The following AGBL1 variants were observed in gnomAD, a reference collection of about 807,000 sequenced individuals.
AGBL1 encodes the protein AGBL carboxypeptidase 1, also known as cytosolic carboxypeptidase 4.
AGBL1 carries 130 observed loss-of-function variants against 118.9 expected under a neutral mutation model. That is an observed-to-expected ratio of 1.09 (90% CI 0.95 to 1.26). The LOEUF (loss-of-function observed/expected upper bound fraction) is 1.26, where lower values mean the gene tolerates loss of function less well. Ranked by LOEUF, AGBL1 falls within the 50% of genes most tolerant of loss-of-function variation. The probability of loss-of-function intolerance (pLI) is 0.00; values close to 1 mark genes in which losing one functional copy is unlikely to be tolerated. For missense variants in AGBL1, 1,584 were observed against 1,298.1 expected, an observed-to-expected ratio of 1.22 and a Z score of -3.38; for synonymous variants, 555 against 478.9, an observed-to-expected ratio of 1.16 and a Z score of -2.08.
intron 18 of AGBL1, among the ~76,000 whole-genome samples, chr15:86,413,242 G>A (rs1243027484): frequency 2.6e-5 from 4 of 152,102 alleles, no homozygotes; most frequent in African/African-American, 9.7e-5. Context: ...TATTAGAGTT[G>A]AATTTGAAGT....
At chr15:86,589,360 G>A (rs1012981545) in intron 21 of AGBL1, among the ~76,000 whole-genome samples, 1 of 152,280 alleles carries the variant, frequency 6.6e-6, no homozygotes, top group South Asian at 2.1e-4. Context: ...GGTATTTATG[G>A]AACTTAAAGT....
intron 17 of AGBL1, among the ~76,000 whole-genome samples, chr15:86,396,225 A>ATGTGTGTGTG (rs1193757610): frequency 1.2e-3 from 149 of 128,184 alleles, no homozygotes; most frequent in African/African-American, 4.4e-3. Context: ...GTGTATATAT[A>ATGTGTGTGTG]TGTGTGTGTG....
chr15:86,559,535 G>T (rs1461523959), intron 21 of AGBL1, among the ~76,000 whole-genome samples: 1 of 152,122 alleles, frequency 6.6e-6, no homozygotes, highest in East Asian at 1.9e-4. Context: ...GATTAAGGCT[G>T]CTCCAGTATT....
chr15:86,096,206 A>G (rs565057155), intron 1 of AGBL1, among the ~76,000 whole-genome samples: 26 of 152,314 alleles, frequency 1.7e-4, no homozygotes, highest in African/African-American at 6.3e-4. Flanking sequence ...TACATGGAAT[A>G]TAAACACATA....
chr15:86,115,901 C>T (rs1231553473), intron 1 of AGBL1, among the ~76,000 whole-genome samples: 1 of 152,120 alleles, frequency 6.6e-6, no homozygotes, highest in Non-Finnish European at 1.5e-5. Flanking sequence ...TACCTACTCT[C>T]CTGTTATAAT....
chr15:86,801,872 C>A (rs979403354), intron 22 of AGBL1, among the ~76,000 whole-genome samples: 2 of 152,024 alleles, frequency 1.3e-5, no homozygotes, highest in Admixed American at 6.6e-5. Context: ...TGCAGAGGAA[C>A]CTGGAGCTCT....
rs996649797 is a variant in AGBL1, at chr15:86,587,734, G to C, written c.2994+33197G>C. 3.3e-5 allele frequency among the ~76,000 whole-genome samples: 5 copies of C among 152,188 alleles called. No homozygotes were observed. The South Asian group carries it at 1.0e-3, about 32-fold the overall frequency. ...AAAAAATAAGTTTTGATTAAAGTCA[G>C]AGTACCCACATGCAACCGCAGAAAG... On this transcript the variant is annotated intron_variant, in intron 21 of 22. Transcript: ENST00000614907.
At chr15:86,665,814 A>C (rs1458080444) in intron 21 of AGBL1, among the ~76,000 whole-genome samples, 1 of 151,982 alleles carries the variant, frequency 6.6e-6, no homozygotes, top group Non-Finnish European at 1.5e-5. Flanking sequence ...ATATTAACCA[A>C]CTGCTTTTGA....
At chr15:86,090,311 T>C (rs1895937001) in intron 1 of AGBL1, among the ~76,000 whole-genome samples, 1 of 152,164 alleles carries the variant, frequency 6.6e-6, no homozygotes, top group Admixed American at 6.5e-5. Context: ...TGTTCACTAT[T>C]TGTAAAAAAA....
intron 22 of AGBL1, among the ~76,000 whole-genome samples, chr15:86,887,407 G>A (rs975449110): frequency 6.6e-6 from 1 of 152,128 alleles, no homozygotes; most frequent in Non-Finnish European, 1.5e-5. Context: ...CCACCTGCCT[G>A]AACTCAGACT....
chr15:86,872,204 A>G (rs1381512374), intron 22 of AGBL1, among the ~76,000 whole-genome samples: 1 of 152,192 alleles, frequency 6.6e-6, no homozygotes, highest in East Asian at 1.9e-4. Context: ...CGCATAAATC[A>G]CAAGCAGTGC....
rs2080309681 is a variant in AGBL1 at position 86,908,432 on chromosome 15, T to G, written c.*1138T>G. The G allele has an allele frequency of 6.6e-6, 1 of 152,130 alleles. No individual in the cohort carries two copies. The highest frequency in any genetic ancestry group is 6.6e-5 in the Admixed American group (1 of 15,246). 9.4% of individuals were successfully genotyped at this position (152,130 alleles called of 1,614,324 possible). On this transcript the variant is annotated 3_prime_UTR_variant, in exon 23 of 23. Coordinates refer to ENST00000614907, the MANE Select transcript of AGBL1 (RefSeq NM_001386094.1). ...GCTGAGAAAGGAGAATCGCTTGAACTTGGGAGGTGGAGGTTGCCATGAGCC... is the reference window on the plus strand; with the variant it reads ...GCTGAGAAAGGAGAATCGCTTGAACGTGGGAGGTGGAGGTTGCCATGAGCC...
chr15:86,382,246 C>T (rs528594400), intron 17 of AGBL1, among the ~76,000 whole-genome samples: 2 of 152,150 alleles, frequency 1.3e-5, no homozygotes, highest in South Asian at 2.1e-4. Flanking sequence ...CACACAGACC[C>T]GCAGGAAGGT....
intron 22 of AGBL1, among the ~76,000 whole-genome samples, chr15:86,849,517 C>CTTTCTTTTT (rs1555456693): frequency 7.3e-6 from 1 of 136,798 alleles, no homozygotes; most frequent in Non-Finnish European, 1.6e-5. Context: ...TTCTTTCTTT[C>CTTTCTTTTT]TTTTTTTTTT....
chr15:86,308,807 G>A (rs772016735), intron 17 of AGBL1, among the ~76,000 whole-genome samples: 1 of 152,108 alleles, frequency 6.6e-6, no homozygotes, highest in Non-Finnish European at 1.5e-5. Flanking sequence ...AGTACCATGT[G>A]GAGTTGGTTA....
Position 86,546,098 on chromosome 15 carries a change from G to A in AGBL1, c.2782G>A (p.Gly928Ser), listed in dbSNP as rs779336286. The change falls in exon 20 of 23, where the codon GGC becomes AGC. Residue 928 changes from glycine (G) to serine (S), a missense_variant. By Grantham distance (56) the Gly-to-Ser change is moderately conservative. Transcript: ENST00000614907. ...CTTGTGGCAAGCAGCATGCACTGTG[G>A]GCACATCTACTATCCTAGAGGAGGT... ...ETLWQAACTVGTSTILEEVNY... is the reference protein window; with the variant it reads ...ETLWQAACTVSTSTILEEVNY... The A allele has an allele frequency of 1.1e-5, 18 of 1,613,266 alleles. No individual in the cohort carries two copies. The highest frequency in any genetic ancestry group is 1.5e-5 in the Non-Finnish European group (18 of 1,179,570).
At position 86,215,221 on chromosome 15, in the gene AGBL1, A is replaced by ATG. The variant is rs766862249; in HGVS notation, c.489-9692_489-9691dup. Among the ~76,000 whole-genome samples, 506 of 124,758 alleles carry ATG rather than the reference A, an allele frequency of 4.1e-3. 5 individuals carry two copies. Among genetic ancestry groups the ATG allele is most frequent in the Middle Eastern group, 0.022 (6 of 270 alleles). 81.8% of individuals were successfully genotyped at this position (124,758 alleles called of 152,430 possible). ...TGTGTGTGTGTGTGAGTGTATATGT[A>ATG]TGCGTGTGTGTGTGTGTGTGTGTGT... On this transcript the variant is annotated intron_variant, in intron 5 of 22. Transcript: ENST00000614907.
At chr15:86,280,942 C>G (rs2079342042) in intron 16 of AGBL1, among the ~76,000 whole-genome samples, 2 of 152,174 alleles carry the variant, frequency 1.3e-5, no homozygotes, top group African/African-American at 4.8e-5. Context: ...AGAAGTTAAT[C>G]CAAGTAATGT....
intron 22 of AGBL1, among the ~76,000 whole-genome samples, chr15:86,852,599 A>G (rs2079423478): frequency 6.6e-6 from 1 of 152,192 alleles, no homozygotes; most frequent in Non-Finnish European, 1.5e-5. Flanking sequence ...CATTATCTTC[A>G]TTTAAAAATA....
Sources: gnomAD v4.1 joint callset for allele counts (sites outside exome capture counted in the v4.1 genomes callset) on GRCh38, gnomAD v4.1.1 for gene constraint, MANE v1.5 for transcripts, NCBI Gene and HGNC (gene_info 2026-07-23, HGNC 2026-07-21) for gene names.